SHANK2: variants seen among roughly 807,000 people sequenced by gnomAD.
The protein encoded by SHANK2 is SH3 and multiple ankyrin repeat domains protein 2.
SHANK2 carries 43 observed loss-of-function variants against 133.7 expected under a neutral mutation model. The observed-to-expected ratio is 0.32, with a 90% CI of 0.25 to 0.41. The LOEUF (loss-of-function observed/expected upper bound fraction) is 0.41, where lower values mean the gene tolerates loss of function less well. SHANK2 is among the 10% of genes least tolerant of loss of function. The pLI, the probability that SHANK2 is intolerant of heterozygous loss-of-function variation, is 1.00. For synonymous variants in SHANK2, 1,017 were observed against 952.8 expected (o/e 1.07, Z -1.24); for missense variants, 1,994 against 2,235.8 (o/e 0.89, Z 2.18).
intron 3 of SHANK2, among the ~76,000 whole-genome samples, chr11:71,120,149 C>A (rs1226033527): frequency 2.0e-5 from 3 of 152,142 alleles, no homozygotes; most frequent in Non-Finnish European, 4.4e-5. Flanking sequence ...TATAATAGCA[C>A]CTCTGAGGAC....
intron 9 of SHANK2, among the ~76,000 whole-genome samples, chr11:71,058,598 A>G (rs1465988564): frequency 6.6e-6 from 1 of 152,212 alleles, no homozygotes; most frequent in African/African-American, 2.4e-5. Context: ...GGGGCCTGAC[A>G]CCGGGCTGGG....
chr11:70,502,375 G>A (rs782326361), intron 18 of SHANK2, 89 bp from the exon 19 acceptor site: 19 of 1,280,820 alleles, frequency 1.5e-5, no homozygotes, highest in Non-Finnish European at 1.8e-5. Context: ...TGGCTGGCAG[G>A]TGGGTCTCAG....
chr11:70,723,305 C>G (rs963215430), intron 14 of SHANK2, among the ~76,000 whole-genome samples: 45 of 151,626 alleles, frequency 3.0e-4, no homozygotes, highest in Non-Finnish European at 5.2e-4. Context: ...GTCTGTCTCT[C>G]TCTCTCTCTC....
intron 13 of SHANK2, among the ~76,000 whole-genome samples, chr11:70,802,471 G>GAA (rs1948067510): frequency 6.6e-6 from 1 of 152,154 alleles, no homozygotes; most frequent in South Asian, 2.1e-4. Context: ...ACAGAAACCT[G>GAA]CCAGGTCACT....
At position 70,745,189 on chromosome 11, in the gene SHANK2, C is replaced by T. The variant is rs376401952; in HGVS notation, c.1778-46426G>A. On this transcript the variant is annotated intron_variant, in intron 14 of 25. Transcript: ENST00000601538. ...CCCCAACCAATGACTTAGAAGGCCC[C>T]AGTGCTAGTGAGCCCCGCCTTTCTC... 6.6e-4 allele frequency among the ~76,000 whole-genome samples: 101 copies of T among 152,366 alleles called. 2 individuals are homozygous for T. In the South Asian group the frequency reaches 0.02, roughly 31 times the overall value.
chr11:70,754,247 G>A (rs12277539), intron 14 of SHANK2, among the ~76,000 whole-genome samples: 7 of 152,256 alleles, frequency 4.6e-5, no homozygotes, highest in African/African-American at 1.4e-4. Context: ...TGGAGGGAAC[G>A]CTTCCCAAAT....
At chr11:70,889,496 C>T (rs529140449) in intron 11 of SHANK2, among the ~76,000 whole-genome samples, 3 of 152,278 alleles carry the variant, frequency 2.0e-5, no homozygotes, top group Admixed American at 1.3e-4. Flanking sequence ...AGCAGGCCCA[C>T]GAAAGATGTG....
chr11:71,232,397 T>C (rs1211729770), intron 1 of SHANK2, among the ~76,000 whole-genome samples: 3 of 152,152 alleles, frequency 2.0e-5, no homozygotes, highest in African/African-American at 4.8e-5. Flanking sequence ...AACTATTTCT[T>C]ACAACTGCAA....
intron 11 of SHANK2, among the ~76,000 whole-genome samples, chr11:70,875,249 T>C (rs1487111456): frequency 6.6e-6 from 1 of 152,118 alleles, no homozygotes; most frequent in African/African-American, 2.4e-5. Context: ...TCCTGTTGCG[T>C]GTACCTGGGG....
intron 9 of SHANK2, among the ~76,000 whole-genome samples, chr11:71,073,142 C>CTTTTTTTTTTTTTTTTTTTTT (rs1951165821): frequency 4.9e-5 from 2 of 41,134 alleles, no homozygotes; most frequent in African/African-American, 9.1e-5. Flanking sequence ...TTTTCTTTTT[C>CTTTTTTTTTTTTTTTTTTTTT]TTTTCTTTTT....
chr11:70,500,416 C>G lies in SHANK2; in HGVS notation c.2308+154G>C, dbSNP rs1358310511. Among the ~76,000 whole-genome samples the G allele has an allele frequency of 6.6e-6, 1 of 151,426 alleles. No homozygotes were observed. Among genetic ancestry groups the G allele is most frequent in the African/African-American group, 2.4e-5 (1 of 40,820 alleles). Reference sequence around the variant, plus strand: ...CAGAAAGAACAGACAGATGAATGTGCTCCAGGGCGGCAGGGCTCCTCGGGC... The same window carrying G: ...CAGAAAGAACAGACAGATGAATGTGGTCCAGGGCGGCAGGGCTCCTCGGGC... On this transcript the variant is annotated intron_variant, in intron 21 of 25. Transcript: ENST00000601538. This position sits in a 1 kb window ranked among gnomAD's most constrained non-coding sequence, Gnocchi z 4.5.
At chr11:70,727,737 C>T (rs1343358158) in intron 14 of SHANK2, among the ~76,000 whole-genome samples, 1 of 152,160 alleles carries the variant, frequency 6.6e-6, no homozygotes, top group Non-Finnish European at 1.5e-5. Context: ...GATAGAGGAC[C>T]TCCCAAGGTC....
chr11:71,165,895 G>C (rs545854275), intron 2 of SHANK2, among the ~76,000 whole-genome samples: 3 of 152,176 alleles, frequency 2.0e-5, no homozygotes, highest in South Asian at 4.2e-4. Flanking sequence ...GACCATGTCC[G>C]GGGAGCACCC....
chr11:70,670,940 C>T (rs1484344901), intron 15 of SHANK2, among the ~76,000 whole-genome samples: 2 of 152,232 alleles, frequency 1.3e-5, no homozygotes, highest in South Asian at 2.1e-4. Context: ...CCCGCACACC[C>T]GTGCCCAGAG....
chr11:70,809,080 T>C (rs1948226379), intron 12 of SHANK2, among the ~76,000 whole-genome samples: 1 of 152,208 alleles, frequency 6.6e-6, no homozygotes, highest in Non-Finnish European at 1.5e-5. Context: ...GAGATGCACC[T>C]ACACAGTGCC....
chr11:70,494,511 C>G (rs577202866), intron 21 of SHANK2, among the ~76,000 whole-genome samples: 24 of 152,266 alleles, frequency 1.6e-4, no homozygotes, highest in African/African-American at 5.8e-4. Flanking sequence ...CCAGGCTGGT[C>G]TCAGACTCCT....
At chr11:70,950,552 A>G (rs1555086316) in intron 10 of SHANK2, among the ~76,000 whole-genome samples, 1 of 152,084 alleles carries the variant, frequency 6.6e-6, no homozygotes, top group Non-Finnish European at 1.5e-5. Context: ...CTCATGATGT[A>G]ATCACCTCCA....
Position 71,233,969 on chromosome 11 carries a change from C to T in SHANK2, c.-112-9173G>A, listed in dbSNP as rs1954787854. On this transcript the variant is annotated intron_variant, in intron 1 of 25. Transcript: ENST00000601538. ...GGCTGAGGCAGGAAAATTGCTTGAA[C>T]CCGGGAGGCAGAGGCTGCAGTGAAC... 2.0e-5 allele frequency among the ~76,000 whole-genome samples: 3 copies of T among 151,776 alleles called. No individual in the cohort carries two copies. In the East Asian group the frequency reaches 5.8e-4, roughly 29 times the overall value.
chr11:71,109,882 G>T (rs1951865096), intron 6 of SHANK2, 59 bp downstream of exon 6: 2 of 1,031,350 alleles, frequency 1.9e-6, no homozygotes, highest in African/African-American at 1.6e-5. Flanking sequence ...CTGAGCAGTG[G>T]GCTGGCCTTC....
Sources: allele counts gnomAD v4.1 joint callset (sites outside exome capture counted in the v4.1 genomes callset), GRCh38; gene constraint gnomAD v4.1.1; non-coding constraint Gnocchi (gnomAD v3.1); transcripts MANE v1.5; gene names NCBI Gene and HGNC (gene_info 2026-07-23, HGNC 2026-07-21).